Variants in LRRC4C observed in about 807,000 individuals in gnomAD.
LRRC4C encodes leucine-rich repeat-containing protein 4C.
LRRC4C carries 5 observed loss-of-function variants against 33.6 expected under a neutral mutation model. That is an observed-to-expected ratio of 0.15 (90% CI 0.08 to 0.31). LRRC4C has a LOEUF of 0.31. LRRC4C is among the 10% of genes least tolerant of loss of function. The pLI is 1.00. For missense variants in LRRC4C, 560 were observed against 796.7 expected, an observed-to-expected ratio of 0.70 and a Z score of 3.58; for synonymous variants, 329 against 302.0, an observed-to-expected ratio of 1.09 and a Z score of -0.93.
At chr11:40,600,682 A>G (rs1473425294) in intron 3 of LRRC4C, among the ~76,000 whole-genome samples, 1 of 152,222 alleles carries the variant, frequency 6.6e-6, no homozygotes, top group Non-Finnish European at 1.5e-5. Context: ...ATAAGAGATA[A>G]TCTATTTGTA....
At chr11:40,308,636 A>T (rs1015053547) in intron 4 of LRRC4C, among the ~76,000 whole-genome samples, 4 of 152,176 alleles carry the variant, frequency 2.6e-5, no homozygotes, top group African/African-American at 9.7e-5. Context: ...ACTCAAGCCA[A>T]CCACAAACTT....
chr11:40,258,203 T>C (rs1010955357), intron 4 of LRRC4C, among the ~76,000 whole-genome samples: 3 of 152,172 alleles, frequency 2.0e-5, no homozygotes, highest in Non-Finnish European at 4.4e-5. Flanking sequence ...GCTCAACTCC[T>C]TGGTCTTCAC....
At chr11:40,587,155 C>T (rs1384441151) in intron 3 of LRRC4C, among the ~76,000 whole-genome samples, 3 of 151,970 alleles carry the variant, frequency 2.0e-5, no homozygotes, top group African/African-American at 7.3e-5. Flanking sequence ...TTTCCTTGAG[C>T]AGTGGATTGT....
intron 1 of LRRC4C, among the ~76,000 whole-genome samples, chr11:41,410,519 C>A (rs1174030832): frequency 6.6e-6 from 1 of 151,542 alleles, no homozygotes; most frequent in East Asian, 2.0e-4. Flanking sequence ...CAGCTCACTG[C>A]AAGCTCCACC....
chr11:41,123,209 T>C (rs1942534386), intron 1 of LRRC4C, among the ~76,000 whole-genome samples: 1 of 151,602 alleles, frequency 6.6e-6, no homozygotes, highest in African/African-American at 2.4e-5. Context: ...ATATCTTGAT[T>C]TCAAGCAACT....
chr11:40,937,182 G>C (rs981048939), intron 1 of LRRC4C, among the ~76,000 whole-genome samples: 2 of 152,160 alleles, frequency 1.3e-5, no homozygotes, highest in Non-Finnish European at 2.9e-5. Flanking sequence ...GATGCAGTTT[G>C]AGGCCATAAT....
At chr11:40,253,938 T>G (rs750169383) in intron 4 of LRRC4C, among the ~76,000 whole-genome samples, 10 of 152,258 alleles carry the variant, frequency 6.6e-5, no homozygotes, top group Non-Finnish European at 7.3e-5. Flanking sequence ...TAAGTTTTTA[T>G]AGTTAAAAAT....
At chr11:41,019,126 T>C (rs1021607457) in intron 1 of LRRC4C, among the ~76,000 whole-genome samples, 6 of 152,092 alleles carry the variant, frequency 3.9e-5, no homozygotes, top group African/African-American at 1.4e-4. Context: ...ATATGTGCCA[T>C]GGTGGCTTGC....
chr11:41,230,662 A>C (rs2136456491), intron 1 of LRRC4C, among the ~76,000 whole-genome samples: 1 of 152,192 alleles, frequency 6.6e-6, no homozygotes, highest in Non-Finnish European at 1.5e-5. Context: ...CCTAGAAGAA[A>C]ACCTAGGCAA....
intron 1 of LRRC4C, among the ~76,000 whole-genome samples, chr11:41,001,965 G>A (rs914285512): frequency 2.0e-5 from 3 of 151,800 alleles, no homozygotes; most frequent in Non-Finnish European, 4.4e-5. Flanking sequence ...TACATTAAAC[G>A]AGGGAGTCAG....
At chr11:40,723,795 C>T (rs1377530637) in intron 2 of LRRC4C, among the ~76,000 whole-genome samples, 1 of 152,152 alleles carries the variant, frequency 6.6e-6, no homozygotes, top group East Asian at 1.9e-4. Context: ...TAAACACCCA[C>T]TTAACAGACA....
chr11:40,480,299 T>A lies in LRRC4C; in HGVS notation c.-269-160578A>T, dbSNP rs561848684. 3.6e-4 allele frequency among the ~76,000 whole-genome samples: 54 copies of A among 151,888 alleles called. 2 individuals are homozygous for A. The highest frequency in any genetic ancestry group is 1.2e-3 in the South Asian group (6 of 4,822). ...TGTTTGCTTGCTTCTGCTTTTTTTT[T>A]AATCTACTTTGAGCCTCAGTTTTCT... On this transcript the variant is annotated intron_variant, in intron 3 of 6. Transcript: ENST00000528697.
At chr11:40,468,001 T>C (rs1260007836) in intron 3 of LRRC4C, among the ~76,000 whole-genome samples, 1 of 152,142 alleles carries the variant, frequency 6.6e-6, no homozygotes, top group Non-Finnish European at 1.5e-5. Flanking sequence ...AGCATTCCAG[T>C]GGATATTTGC....
intron 2 of LRRC4C, among the ~76,000 whole-genome samples, chr11:40,766,836 T>C (rs2137125661): frequency 6.7e-6 from 1 of 149,954 alleles, no homozygotes; most frequent in East Asian, 2.0e-4. Flanking sequence ...GAAAATTATC[T>C]TCAAAGGAAA....
At chr11:40,785,390 G>T (rs1025862258) in intron 2 of LRRC4C, among the ~76,000 whole-genome samples, 7 of 152,068 alleles carry the variant, frequency 4.6e-5, no homozygotes, top group African/African-American at 1.7e-4. Context: ...CTCTTAATTT[G>T]ATTCTTACTT....
At chr11:41,365,856 C>T (rs1363420756) in intron 1 of LRRC4C, among the ~76,000 whole-genome samples, 1 of 152,140 alleles carries the variant, frequency 6.6e-6, no homozygotes, top group Non-Finnish European at 1.5e-5. Flanking sequence ...AAGAACAAGG[C>T]AACACTAAAG....
intron 1 of LRRC4C, among the ~76,000 whole-genome samples, chr11:41,116,315 G>T (rs1382797301): frequency 6.6e-6 from 1 of 152,088 alleles, no homozygotes; most frequent in African/African-American, 2.4e-5. Flanking sequence ...CTAGCTCATA[G>T]GTTGCAGGAG....
At chr11:41,156,037 G>A (rs1944217195) in intron 1 of LRRC4C, among the ~76,000 whole-genome samples, 2 of 152,048 alleles carry the variant, frequency 1.3e-5, no homozygotes, top group Admixed American at 1.3e-4. Flanking sequence ...TTTCTGTTTT[G>A]TTATTCAGCT....
intron 3 of LRRC4C, among the ~76,000 whole-genome samples, chr11:40,353,834 C>CAGG (rs1590412244): frequency 6.6e-6 from 1 of 152,088 alleles, no homozygotes; most frequent in East Asian, 1.9e-4. Context: ...TCTGTCATAC[C>CAGG]AGGTTAGGTC....
Sources: allele counts gnomAD v4.1 joint callset (sites outside exome capture counted in the v4.1 genomes callset), GRCh38; gene constraint gnomAD v4.1.1; transcripts MANE v1.5; gene names NCBI Gene and HGNC (gene_info 2026-07-23, HGNC 2026-07-21).